PBX1: variants seen among roughly 807,000 people sequenced by gnomAD.
PBX1 encodes the protein PBX homeobox 1.
PBX1 carries 6 observed loss-of-function variants against 53.4 expected under a neutral mutation model. The ratio of observed to expected loss-of-function variants is 0.11; its 90% CI spans 0.06 to 0.22. PBX1 has a LOEUF of 0.22. PBX1 is among the 10% of genes least tolerant of loss of function. The probability of loss-of-function intolerance (pLI) is 1.00; values close to 1 mark genes in which losing one functional copy is unlikely to be tolerated. For synonymous variants in PBX1, 204 were observed against 212.3 expected (o/e 0.96, Z 0.34); for missense variants, 251 against 551.4 (o/e 0.46, Z 5.46).
intron 2 of PBX1, among the ~76,000 whole-genome samples, chr1:164,861,217 A>G (rs575974682): frequency 3.3e-5 from 5 of 152,220 alleles, no homozygotes; most frequent in Admixed American, 6.5e-5. Context: ...TAGAAGTCAA[A>G]AAAGGGGCAC....
chr1:164,559,760 C>G lies in PBX1; in HGVS notation c.-63C>G, dbSNP rs1282124177. 7.6e-7 allele frequency: 1 copy of G among 1,316,764 alleles called. No homozygotes were observed. The highest frequency in any genetic ancestry group is 1.0e-6 in the Non-Finnish European group (1 of 971,038). The allele number at this position is 1,316,764 out of a possible 1,614,324, so 81.6% of individuals were successfully genotyped here. A position where few individuals can be genotyped will look rare whatever the true frequency, so the allele number is the denominator to read the frequency against. The stretch of plus-strand genomic sequence containing the variant: ...GCTTGAAGGATAAAAAGCCTTGGTG[C>G]TTCCCAGGAGCCGAGCCGAGGAGCA... On this transcript the variant is annotated 5_prime_UTR_variant, in exon 1 of 9. Transcript: ENST00000420696.
chr1:164,618,299 G>A (rs1217649086), intron 2 of PBX1, among the ~76,000 whole-genome samples: 1 of 19,044 alleles, frequency 5.3e-5, no homozygotes, highest in African/African-American at 1.4e-4. Flanking sequence ...AATCACGGCG[G>A]GGGGGGGGGG....
intron 2 of PBX1, among the ~76,000 whole-genome samples, chr1:164,875,177 C>G (rs191692520): frequency 1.2e-4 from 19 of 152,068 alleles, no homozygotes; most frequent in African/African-American, 4.3e-4. Flanking sequence ...GACTGAAAAT[C>G]AAAGTTTATC....
intron 2 of PBX1, among the ~76,000 whole-genome samples, chr1:164,758,793 T>C (rs1666658722): frequency 6.6e-6 from 1 of 152,170 alleles, no homozygotes; most frequent in Non-Finnish European, 1.5e-5. Flanking sequence ...ACTTAGTCAA[T>C]TCCATAGCAT....
rs1394331358 is a variant in PBX1 at position 164,829,557 on chromosome 1, A to G, written c.1200+7931A>G. 3 of 152,310 alleles carry G rather than the reference A, an allele frequency of 2.0e-5. No homozygotes were observed. In the East Asian group the frequency reaches 5.8e-4, roughly 29 times the overall value. 9.4% of individuals were successfully genotyped at this position (152,310 alleles called of 1,614,324 possible). A position where few individuals can be genotyped will look rare whatever the true frequency, so the allele number is the denominator to read the frequency against. On this transcript the variant is annotated intron_variant, in intron 8 of 8. Transcript: ENST00000420696. The stretch of plus-strand genomic sequence containing the variant: ...AACCAAACACCGCATGTTCTCACTT[A>G]TAGGTAGGAACTAAACAAAGAAAAC...
chr1:164,826,225 T>C (rs1301345447), intron 8 of PBX1, among the ~76,000 whole-genome samples: 1 of 152,192 alleles, frequency 6.6e-6, no homozygotes, highest in Admixed American at 6.5e-5. Flanking sequence ...CAGAAAACTC[T>C]TTCATTAGAG....
intron 2 of PBX1, chr1:164,642,721 A>G (rs758067857): frequency 2.6e-5 from 4 of 152,338 alleles, no homozygotes; most frequent in African/African-American, 7.2e-5. Flanking sequence ...TTAGAAGGAA[A>G]TAGAACAAAA....
intron 2 of PBX1, among the ~76,000 whole-genome samples, chr1:164,712,071 G>GGTCAT (rs920298763): frequency 1.3e-5 from 2 of 150,010 alleles, no homozygotes; most frequent in African/African-American, 4.9e-5. Flanking sequence ...TGCAGGGAAG[G>GGTCAT]GTCATGGTTG....
intron 2 of PBX1, among the ~76,000 whole-genome samples, chr1:164,760,587 A>T (rs1666759619): frequency 6.6e-6 from 1 of 152,180 alleles, no homozygotes; most frequent in Admixed American, 6.5e-5. Flanking sequence ...AAAACAAAAC[A>T]AAATTTTACA....
At chr1:164,656,632 T>G (rs1660182499) in intron 2 of PBX1, among the ~76,000 whole-genome samples, 1 of 152,074 alleles carries the variant, frequency 6.6e-6, no homozygotes, top group African/African-American at 2.4e-5. Context: ...GGATTTGCTT[T>G]GTCAATTTAA....
At chr1:164,880,935 G>A (rs1195108425) in intron 2 of PBX1, among the ~76,000 whole-genome samples, 2 of 152,248 alleles carry the variant, frequency 1.3e-5, no homozygotes, top group Non-Finnish European at 2.9e-5. Flanking sequence ...CCAAGAAAAT[G>A]TGTTAATGGG....
intron 2 of PBX1, among the ~76,000 whole-genome samples, chr1:164,751,260 A>G (rs1666196699): frequency 6.7e-6 from 1 of 149,246 alleles, no homozygotes; most frequent in South Asian, 2.1e-4. Context: ...GGTGGCAGTG[A>G]GCTGAGATCA....
At chr1:164,760,418 TCCTC>T (rs1165362666) in intron 2 of PBX1, among the ~76,000 whole-genome samples, 16 of 106,696 alleles carry the variant, frequency 1.5e-4, no homozygotes, top group Admixed American at 7.1e-4. Flanking sequence ...CTTCCATCCC[TCCTC>T]CCTCCCTCCC....
In PBX1 at chr1:164,559,808, C is replaced by T; in HGVS notation, c.-15C>T. The T allele has an allele frequency of 1.3e-6, 2 of 1,539,936 alleles. No individual in the cohort carries two copies. Among genetic ancestry groups the T allele is most frequent in the South Asian group, 1.2e-5 (1 of 83,432 alleles). On this transcript the variant is annotated 5_prime_UTR_variant, in exon 1 of 9. Transcript: ENST00000420696. ...GCAGAAGAGGAAGAGCCGGGGGCTG[C>T]CGTAGCCTTTGGAGATGGACGAGCA...
chr1:164,806,137 G>A (rs3767368), intron 4 of PBX1, among the ~76,000 whole-genome samples: 31,956 of 152,168 alleles, frequency 0.21, 4,126 homozygotes, highest in East Asian at 0.3. Context: ...CTAATTTAAA[G>A]ATGAAGGCCA....
chr1:164,733,286 C>A (rs753358976), intron 2 of PBX1, among the ~76,000 whole-genome samples: 2 of 152,170 alleles, frequency 1.3e-5, no homozygotes, highest in African/African-American at 2.4e-5. Context: ...GACCTTGTGA[C>A]TCATTCATTG....
intron 2 of PBX1, among the ~76,000 whole-genome samples, chr1:164,620,236 T>C (rs1557895860): frequency 6.6e-6 from 1 of 152,134 alleles, no homozygotes; most frequent in East Asian, 1.9e-4. Context: ...TTAAAAAATT[T>C]GTATTAAGGT....
At chr1:164,836,262 T>G (rs879061830) in intron 8 of PBX1, among the ~76,000 whole-genome samples, 3 of 152,198 alleles carry the variant, frequency 2.0e-5, no homozygotes, top group Non-Finnish European at 4.4e-5. Flanking sequence ...CACCATCATA[T>G]GCTCTGCCCA....
intron 2 of PBX1, among the ~76,000 whole-genome samples, chr1:164,727,330 G>A (rs1487177317): frequency 6.6e-6 from 1 of 152,114 alleles, no homozygotes; most frequent in Non-Finnish European, 1.5e-5. Context: ...TGCCTAAGTA[G>A]TTCTATTTAC....
Sources: gnomAD v4.1 joint callset for allele counts (sites outside exome capture counted in the v4.1 genomes callset) on GRCh38, gnomAD v4.1.1 for gene constraint, MANE v1.5 for transcripts, NCBI Gene and HGNC (gene_info 2026-07-23, HGNC 2026-07-21) for gene names.